SPOCK1: variants seen among roughly 807,000 people sequenced by gnomAD.
SPOCK1 encodes the protein SPARC (osteonectin), cwcv and kazal like domains proteoglycan 1.
A neutral mutation model predicts 55.3 loss-of-function variants in SPOCK1; 23 were observed. That is an observed-to-expected ratio of 0.42 (90% CI 0.30 to 0.59). The LOEUF (loss-of-function observed/expected upper bound fraction) is 0.59. SPOCK1 is among the 20% of genes least tolerant of loss of function. SPOCK1 has a pLI of 0.22. For missense variants in SPOCK1, 499 were observed against 552.5 expected, an observed-to-expected ratio of 0.90 and a Z score of 0.97; for synonymous variants, 226 against 221.0, an observed-to-expected ratio of 1.02 and a Z score of -0.20.
At chr5:137,413,017 C>T (rs1334854938) in intron 2 of SPOCK1, among the ~76,000 whole-genome samples, 1 of 151,728 alleles carries the variant, frequency 6.6e-6, no homozygotes, top group Admixed American at 6.6e-5. Flanking sequence ...CAACATGTAG[C>T]ATCTAATGCT....
At chr5:137,205,328 T>G (rs1308881519) in intron 3 of SPOCK1, among the ~76,000 whole-genome samples, 1 of 152,174 alleles carries the variant, frequency 6.6e-6, no homozygotes, top group South Asian at 2.1e-4. Context: ...TGCACGTCAG[T>G]GAAAGGAAGC....
At chr5:137,474,106 G>C (rs1017977765) in intron 2 of SPOCK1, among the ~76,000 whole-genome samples, 4 of 152,086 alleles carry the variant, frequency 2.6e-5, no homozygotes, top group African/African-American at 9.7e-5. Flanking sequence ...AGTGGGAGGG[G>C]AGCGAGGGAT....
Position 137,271,946 on chromosome 5 carries a change from C to T in SPOCK1, c.187-4891G>A, listed in dbSNP as rs541005583. On this transcript the variant is annotated intron_variant, in intron 2 of 10. Transcript: ENST00000394945. The stretch of plus-strand genomic sequence containing the variant: ...AGATAATATTAATACAAATTACCAG[C>T]CTAGAAAATAAATGGGAGCCTCATT... Among the ~76,000 whole-genome samples the T allele has an allele frequency of 1.2e-4, 19 of 152,234 alleles. 1 individual carries two copies. Among genetic ancestry groups the T allele is most frequent in the South Asian group, 1.0e-3 (5 of 4,814 alleles).
intron 5 of SPOCK1, among the ~76,000 whole-genome samples, chr5:137,091,297 A>C (rs1489440140): frequency 6.6e-6 from 1 of 152,234 alleles, no homozygotes; most frequent in Non-Finnish European, 1.5e-5. Flanking sequence ...GGTGCTGTGA[A>C]TATAAAGTAA....
intron 2 of SPOCK1, among the ~76,000 whole-genome samples, chr5:137,481,608 G>A (rs1250200924): frequency 6.6e-6 from 1 of 152,180 alleles, no homozygotes; most frequent in Non-Finnish European, 1.5e-5. Flanking sequence ...AGTGGGGAAG[G>A]GAATGGAGGA....
chr5:136,984,368 T>C (rs1456670688), intron 9 of SPOCK1, among the ~76,000 whole-genome samples: 1 of 126,914 alleles, frequency 7.9e-6, no homozygotes, highest in Non-Finnish European at 1.8e-5. Context: ...TGCATCTGCC[T>C]CTGAATGCTT....
intron 2 of SPOCK1, among the ~76,000 whole-genome samples, chr5:137,312,557 T>A (rs1757807278): frequency 6.6e-6 from 1 of 152,254 alleles, no homozygotes; most frequent in East Asian, 1.9e-4. Context: ...TAATTTAAAT[T>A]CAGATGCTGG....
rs146762668 is a variant in SPOCK1, at chr5:137,434,480, C to CTTTTT, written c.186+63888_186+63892dup. ...TTTCCCTTCTCCATTTCTTTTTTTT[C>CTTTTT]TTTTTTTTTTTTTTTTTTTTTTTTT... On this transcript the variant is annotated intron_variant, in intron 2 of 10. Transcript: ENST00000394945. Among the ~76,000 whole-genome samples, 174 of 68,232 alleles carry CTTTTT rather than the reference C, an allele frequency of 2.6e-3. 15 individuals carry two copies. Among genetic ancestry groups the CTTTTT allele is most frequent in the Admixed American group, 3.6e-3 (15 of 4,186 alleles). The allele number at this position is 68,232 out of a possible 152,430, so 44.8% of individuals were successfully genotyped here.
In SPOCK1 at chr5:137,446,133, C is replaced by T. The variant is rs566845204; in HGVS notation, c.186+52240G>A. On this transcript the variant is annotated intron_variant, in intron 2 of 10. Coordinates refer to ENST00000394945, the MANE Select transcript of SPOCK1 (RefSeq NM_004598.4). ...GCAGGCTCCACAATATCCCTTTGGA[C>T]TTAAATGTCACACCAAAAAACAGTG... is the stretch of plus-strand genomic sequence containing the variant. Among the ~76,000 whole-genome samples the T allele has an allele frequency of 8.5e-4, 129 of 152,300 alleles. No individual in the cohort carries two copies. In the Middle Eastern group the frequency reaches 0.024, roughly 28 times the overall value.
At chr5:137,382,632 AG>A (rs963982593) in intron 2 of SPOCK1, among the ~76,000 whole-genome samples, 3 of 152,178 alleles carry the variant, frequency 2.0e-5, no homozygotes, top group Non-Finnish European at 2.9e-5. Context: ...AGACAGAGTA[AG>A]GGGGGAAGTG....
chr5:137,154,225 T>C (rs1754370903), intron 3 of SPOCK1, among the ~76,000 whole-genome samples: 1 of 152,060 alleles, frequency 6.6e-6, no homozygotes. Context: ...AGGCGGAGGT[T>C]GCAGTGAGCC....
intron 6 of SPOCK1, among the ~76,000 whole-genome samples, chr5:137,044,938 C>A (rs1365853449): frequency 4.9e-5 from 7 of 143,804 alleles, no homozygotes; most frequent in African/African-American, 1.6e-4. Flanking sequence ...ATGATGGTTT[C>A]CAATTTCATC....
intron 3 of SPOCK1, among the ~76,000 whole-genome samples, chr5:137,180,362 G>C (rs77739801): frequency 0.016 from 2,464 of 151,928 alleles, 38 homozygotes; most frequent in Non-Finnish European, 0.024. Flanking sequence ...GTCATGACTG[G>C]GGTGGGGGTG....
chr5:137,143,283 C>A (rs559073794), intron 3 of SPOCK1, among the ~76,000 whole-genome samples: 1 of 152,190 alleles, frequency 6.6e-6, no homozygotes, highest in Non-Finnish European at 1.5e-5. Context: ...TACTACATGA[C>A]AAGCTTTGTG....
At chr5:137,161,196 TG>T (rs960688922) in intron 3 of SPOCK1, among the ~76,000 whole-genome samples, 2 of 150,174 alleles carry the variant, frequency 1.3e-5, no homozygotes, top group African/African-American at 4.9e-5. Flanking sequence ...AATTTGGAGG[TG>T]GGAAAATACT....
Position 137,064,625 on chromosome 5 carries a change from G to A in SPOCK1, c.589+3090C>T, listed in dbSNP as rs145623490. Among the ~76,000 whole-genome samples, 165 of 152,202 alleles carry A rather than the reference G, an allele frequency of 1.1e-3. 4 individuals carry two copies. Among genetic ancestry groups the A allele is most frequent in the African/African-American group, 2.9e-3 (122 of 41,534 alleles). On this transcript the variant is annotated intron_variant, in intron 6 of 10. Coordinates refer to ENST00000394945, the MANE Select transcript of SPOCK1 (RefSeq NM_004598.4). ...AGCTCTTCTTCCTCCCTCTGTCCAC[G>A]GCTAAGTTGCCAACTCAAAGTTTCC...
chr5:137,215,376 T>A (rs1364712102), intron 3 of SPOCK1, among the ~76,000 whole-genome samples: 1 of 152,118 alleles, frequency 6.6e-6, no homozygotes, highest in Non-Finnish European at 1.5e-5. Context: ...AGGGTCCCTA[T>A]GGTCAGATTT....
chr5:137,427,924 AAAAG>A (rs1752667626), intron 2 of SPOCK1, among the ~76,000 whole-genome samples: 1 of 151,774 alleles, frequency 6.6e-6, no homozygotes. Context: ...AAAAAAAAAA[AAAAG>A]GCAGAAACTT....
In SPOCK1 at chr5:137,184,625, C is replaced by A. The variant is rs78300394; in HGVS notation, c.233-43931G>T. On this transcript the variant is annotated intron_variant, in intron 3 of 10. Transcript: ENST00000394945. The stretch of plus-strand genomic sequence containing the variant: ...ACAAGGGGCATCTGGACCTTCACAG[C>A]CCAGTGCAGAGAATATTGGGGCAGC... 9.2e-3 allele frequency among the ~76,000 whole-genome samples: 1,406 copies of A among 152,296 alleles called. 21 individuals carry two copies. The highest frequency in any genetic ancestry group is 0.032 in the African/African-American group (1,345 of 41,556).
Sources: gnomAD v4.1 joint callset for allele counts (sites outside exome capture counted in the v4.1 genomes callset) on GRCh38, gnomAD v4.1.1 for gene constraint, MANE v1.5 for transcripts, NCBI Gene and HGNC (gene_info 2026-07-23, HGNC 2026-07-21) for gene names.